Variants in ALPL observed in about 807,000 individuals in gnomAD.
ALPL encodes the protein alkaline phosphatase, tissue-nonspecific isozyme.
In ALPL, 42 loss-of-function variants were observed where a neutral mutation model predicts 51.3. That is an observed-to-expected ratio of 0.82 (90% CI 0.64 to 1.06). The LOEUF (loss-of-function observed/expected upper bound fraction) is 1.06. ALPL is among the 50% of genes least tolerant of loss of function. The pLI, the probability that ALPL is intolerant of heterozygous loss-of-function variation, is 0.00. For synonymous variants in ALPL, 279 were observed against 296.4 expected (o/e 0.94, Z 0.60); for missense variants, 589 against 709.4 (o/e 0.83, Z 1.93).
intron 1 of ALPL, among the ~76,000 whole-genome samples, chr1:21,533,526 C>A (rs1201267749): frequency 6.6e-6 from 1 of 152,170 alleles, no homozygotes; most frequent in Admixed American, 6.6e-5. Context: ...GATAAGGAAC[C>A]TGAAACCCCA....
At chr1:21,514,714 A>G (rs1643759858) in intron 1 of ALPL, among the ~76,000 whole-genome samples, 1 of 152,176 alleles carries the variant, frequency 6.6e-6, no homozygotes, top group Admixed American at 6.5e-5. Flanking sequence ...GATTGCTGAT[A>G]CTAACCTCAC....
intron 1 of ALPL, among the ~76,000 whole-genome samples, chr1:21,516,610 A>ATCCATCCATTCAAGGCTACTGCTTTC (rs1643805782): frequency 6.6e-6 from 1 of 152,200 alleles, no homozygotes; most frequent in Non-Finnish European, 1.5e-5. Context: ...GCGGTGACCC[A>ATCCATCCATTCAAGGCTACTGCTTTC]TCCATCCATT....
chr1:21,563,116 A>G lies in ALPL; in HGVS notation c.304A>G (p.Asn102Asp). The G allele has an allele frequency of 6.2e-7, 1 of 1,613,628 alleles. No individual in the cohort carries two copies. Among genetic ancestry groups the G allele is most frequent in the Non-Finnish European group, 8.5e-7 (1 of 1,180,026 alleles). ...CCTCCTCTCCCACCTGCAGACGTAC[A>G]ACACCAATGCCCAGGTCCCTGACAG... ...FPFVALSKTY[N>D]TNAQVPDSAG... The change falls in exon 5 of 12, where the codon AAC becomes GAC. Residue 102 changes from asparagine (N) to aspartate (D), a missense_variant. Asn to Asp is a conservative substitution (Grantham distance 23, BLOSUM62 1). Coordinates refer to ENST00000374840, the MANE Select transcript of ALPL (RefSeq NM_000478.6).
In ALPL at chr1:21,568,142, G is replaced by A; in HGVS notation, c.687G>A (p.Lys229=). Residue 229 remains lysine, a synonymous_variant, in exon 7 of 12, where the codon AAG becomes AAA. Transcript: ENST00000374840. ...GTGGCCGGAAATACATGTACCCCAA[G>A]AATAAAACTGATGTGGAGTATGAGA... ...MGGGRKYMYP[K]NKTDVEYESD... is the part of the protein sequence containing the mutation. 3 of 1,614,072 alleles carry A rather than the reference G, an allele frequency of 1.9e-6. No individual in the cohort carries two copies. Among genetic ancestry groups the A allele is most frequent in the Non-Finnish European group, 2.5e-6 (3 of 1,180,010 alleles).
chr1:21,528,629 C>T lies in ALPL; in HGVS notation c.-105+19112C>T, dbSNP rs181774000. Among the ~76,000 whole-genome samples the T allele has an allele frequency of 5.1e-3, 775 of 152,002 alleles. 3 individuals carry two copies. Among genetic ancestry groups the T allele is most frequent in the Non-Finnish European group, 9.2e-3 (622 of 67,966 alleles). On this transcript the variant is annotated intron_variant, in intron 1 of 11. Transcript: ENST00000374840. The stretch of plus-strand genomic sequence containing the variant: ...CCTCCCAAAATGCTGGGATTACAGA[C>T]GTGAGCCTCCGCTCCCGGCCGACCT...
chr1:21,562,367 T>C (rs1041613212), intron 4 of ALPL, among the ~76,000 whole-genome samples: 1 of 152,158 alleles, frequency 6.6e-6, no homozygotes, highest in African/African-American at 2.4e-5. Flanking sequence ...TAAAATGAGG[T>C]GTGCCTGTAC....
chr1:21,560,274 C>T (rs1644464984), intron 2 of ALPL, among the ~76,000 whole-genome samples: 1 of 152,228 alleles, frequency 6.6e-6, no homozygotes. Context: ...GCTGCCTTAG[C>T]AGCTCATCTC....
In ALPL at chr1:21,552,027, T is replaced by C. The variant is rs187923594; in HGVS notation, c.-104-1951T>C. ...GGCGTGAGCCACCGCGCCCGGCCAT[T>C]TGCGTGTTTTTAAGGTTGAATCAAG... is the stretch of plus-strand genomic sequence containing the variant. On this transcript the variant is annotated intron_variant, in intron 1 of 11. Coordinates refer to ENST00000374840, the MANE Select transcript of ALPL (RefSeq NM_000478.6). Among the ~76,000 whole-genome samples the C allele has an allele frequency of 2.1e-3, 307 of 148,650 alleles. 3 individuals are homozygous for C. The highest frequency in any genetic ancestry group is 7.4e-3 in the African/African-American group (301 of 40,506).
chr1:21,569,126 G>T (rs575787901), intron 7 of ALPL, among the ~76,000 whole-genome samples: 2 of 152,132 alleles, frequency 1.3e-5, no homozygotes, highest in Non-Finnish European at 2.9e-5. Flanking sequence ...AAGGGCCCCC[G>T]TGGGGATGGT....
chr1:21,523,994 C>T lies in ALPL; in HGVS notation c.-105+14477C>T, dbSNP rs146824121. 3.6e-3 allele frequency among the ~76,000 whole-genome samples: 481 copies of T among 133,462 alleles called. 3 individuals are homozygous for T. Among genetic ancestry groups the T allele is most frequent in the African/African-American group, 0.013 (465 of 36,608 alleles). 87.6% of individuals were successfully genotyped at this position (133,462 alleles called of 152,430 possible). A position where few individuals can be genotyped will look rare whatever the true frequency, so the allele number is the denominator to read the frequency against. Reference sequence around the variant, plus strand: ...CTCCCCAAAGGGTAGATACTCAAATCTCTGCTTTTTTTTTTTTTTTTTTTT... The same window carrying T: ...CTCCCCAAAGGGTAGATACTCAAATTTCTGCTTTTTTTTTTTTTTTTTTTT... On this transcript the variant is annotated intron_variant, in intron 1 of 11. Transcript: ENST00000374840.
rs1478727600 is a variant in ALPL at position 21,573,454 on chromosome 1, GAAAAGA to G, written c.863-200_863-195del. 1.8e-3 allele frequency among the ~76,000 whole-genome samples: 266 copies of G among 148,124 alleles called. 2 individuals carry two copies. The highest frequency in any genetic ancestry group is 4.5e-3 in the African/African-American group (180 of 40,144). ...TCTGTCTCAAAAAAAAAAAAGAAAA[GAAAAGA>G]AAAAGAAAAAAGAAAAAAAAAGGAA... On this transcript the variant is annotated intron_variant, in intron 8 of 11. Transcript: ENST00000374840.
In ALPL at chr1:21,524,043, G is replaced by A. The variant is rs986659520; in HGVS notation, c.-105+14526G>A. 3.4e-5 allele frequency among the ~76,000 whole-genome samples: 4 copies of A among 118,540 alleles called. No individual in the cohort carries two copies. The Admixed American group carries it at 3.7e-4, about 11-fold the overall frequency. 77.8% of individuals were successfully genotyped at this position (118,540 alleles called of 152,430 possible). A position where few individuals can be genotyped will look rare whatever the true frequency, so the allele number is the denominator to read the frequency against. ...TTTTGACATGGAGTCTCGCTCTGTC[G>A]CCCAGGCTGGAGTGCAGTGGCGTGA... On this transcript the variant is annotated intron_variant, in intron 1 of 11. Transcript: ENST00000374840.
At position 21,523,999 on chromosome 1, in the gene ALPL, C is replaced by CTT. The variant is rs10571494; in HGVS notation, c.-105+14503_-105+14504dup. On this transcript the variant is annotated intron_variant, in intron 1 of 11. Coordinates refer to ENST00000374840, the MANE Select transcript of ALPL (RefSeq NM_000478.6). ...CAAAGGGTAGATACTCAAATCTCTG[C>CTT]TTTTTTTTTTTTTTTTTTTTTTGAC... 6.3e-3 allele frequency among the ~76,000 whole-genome samples: 594 copies of CTT among 94,554 alleles called. 21 individuals carry two copies. Among genetic ancestry groups the CTT allele is most frequent in the African/African-American group, 7.8e-3 (190 of 24,212 alleles). 62.0% of individuals were successfully genotyped at this position (94,554 alleles called of 152,430 possible).
rs755602034 is a variant in ALPL at position 21,577,651 on chromosome 1, G to T, written c.*3G>T. On this transcript the variant is annotated 3_prime_UTR_variant, in exon 12 of 12. Transcript: ENST00000374840. ...ACCCCCTGAGCGTCCTGTTCTGAGG[G>T]CCCAGGGCCCGGGCACCCACAAGCC... The T allele has an allele frequency of 5.6e-6, 9 of 1,595,222 alleles. No individual in the cohort carries two copies. The highest frequency in any genetic ancestry group is 2.2e-5 in the South Asian group (2 of 90,322).
rs151270365 is a variant in ALPL at position 21,568,212 on chromosome 1, G to C, written c.757G>C (p.Val253Leu). 7.4e-6 allele frequency: 12 copies of C among 1,614,026 alleles called. No individual in the cohort carries two copies. The highest frequency in any genetic ancestry group is 1.0e-5 in the Non-Finnish European group (12 of 1,180,000). ...CACGAGGCTGGACGGCCTGGACCTC[G>C]TTGACACCTGGAAGAGCTTCAAACC... ...RGTRLDGLDL[V>L]DTWKSFKPRY... The change falls in exon 7 of 12, where the codon GTT becomes CTT. Residue 253 changes from valine (V) to leucine (L), a missense_variant. Physicochemically the swap from Val to Leu is conservative, Grantham distance 32 (BLOSUM62 1). Transcript: ENST00000374840.
chr1:21,562,571 T>C (rs1269399008), intron 4 of ALPL, among the ~76,000 whole-genome samples: 1 of 151,970 alleles, frequency 6.6e-6, no homozygotes, highest in Non-Finnish European at 1.5e-5. Flanking sequence ...GACAGGCAAA[T>C]AGTTTTGGGG....
intron 1 of ALPL, among the ~76,000 whole-genome samples, chr1:21,553,135 G>A (rs1256052420): frequency 1.0e-5 from 1 of 98,878 alleles, no homozygotes; most frequent in African/African-American, 3.8e-5. Context: ...TAATGTTTTG[G>A]TGTATTTCCT....
At chr1:21,561,264 C>A in intron 4 of ALPL, 52 bp downstream of exon 4, 1 of 1,482,844 alleles carries the variant, frequency 6.7e-7, no homozygotes, top group African/African-American at 1.4e-5. Context: ...GTATCCAGGT[C>A]GAGCATCTGA....
At chr1:21,549,622 C>T (rs1054092665) in intron 1 of ALPL, among the ~76,000 whole-genome samples, 3 of 152,078 alleles carry the variant, frequency 2.0e-5, no homozygotes, top group East Asian at 1.9e-4. Context: ...TACAGGTGCA[C>T]ACCACCATGC....
Sources: allele counts gnomAD v4.1 joint callset (sites outside exome capture counted in the v4.1 genomes callset), GRCh38; gene constraint gnomAD v4.1.1; transcripts MANE v1.5; gene names NCBI Gene and HGNC (gene_info 2026-07-23, HGNC 2026-07-21).